Variants in ACOXL observed in about 807,000 individuals in gnomAD.
The protein encoded by ACOXL is acyl-CoA oxidase like, also known as acyl-coenzyme A oxidase-like protein.
A neutral mutation model predicts 71.9 loss-of-function variants in ACOXL; 70 were observed. The ratio of observed to expected loss-of-function variants is 0.97; its 90% CI spans 0.80 to 1.19. The LOEUF (loss-of-function observed/expected upper bound fraction) is 1.19. Among genes scored for constraint, ACOXL ranks in the 50% most tolerant of loss-of-function variants. The pLI, the probability that ACOXL is intolerant of heterozygous loss-of-function variation, is 0.00. For synonymous variants in ACOXL, 253 were observed against 281.6 expected (o/e 0.90, Z 1.02); for missense variants, 703 against 736.3 (o/e 0.95, Z 0.52).
At chr2:110,799,170 CT>C in intron 7 of ACOXL, 70 bp downstream of exon 7, 1 of 1,450,562 alleles carries the variant, frequency 6.9e-7, no homozygotes, top group Non-Finnish European at 9.7e-7. Flanking sequence ...CAAGGAGAAT[CT>C]AACCTACGTT....
At position 110,839,912 on chromosome 2, in the gene ACOXL, C is replaced by T. The variant is rs377207033; in HGVS notation, c.754-1459C>T. 3.3e-5 allele frequency among the ~76,000 whole-genome samples: 5 copies of T among 152,184 alleles called. No homozygotes were observed. The South Asian group carries it at 1.0e-3, about 32-fold the overall frequency. ...GGAACCATAAGTGATGTTTGGGGATCTTAAGCTTAAGGTGCAACTTAGACT... is the reference window on the plus strand; with the variant it reads ...GGAACCATAAGTGATGTTTGGGGATTTTAAGCTTAAGGTGCAACTTAGACT... On this transcript the variant is annotated intron_variant, in intron 9 of 17. Transcript: ENST00000439055.
chr2:111,076,208 T>C (rs557194584), intron 16 of ACOXL, among the ~76,000 whole-genome samples: 1 of 152,362 alleles, frequency 6.6e-6, no homozygotes, highest in East Asian at 1.9e-4. Flanking sequence ...CATATTCAAC[T>C]ATGCCTGTGG....
At chr2:110,892,855 G>T (rs1391997541) in intron 10 of ACOXL, among the ~76,000 whole-genome samples, 2 of 152,126 alleles carry the variant, frequency 1.3e-5, no homozygotes. Context: ...CTGGGAAGAG[G>T]GAATGGCTAT....
intron 12 of ACOXL, chr2:110,968,062 G>A: frequency 1.3e-5 from 15 of 1,166,636 alleles, no homozygotes; most frequent in Middle Eastern, 5.5e-4. Context: ...GATAGTCTGC[G>A]CAGCATACGC....
chr2:110,913,170 TAG>T (rs1220478164), intron 11 of ACOXL, among the ~76,000 whole-genome samples: 2 of 152,178 alleles, frequency 1.3e-5, no homozygotes, highest in African/African-American at 4.8e-5. Context: ...TAAAATGGTA[TAG>T]TCGCTTTGGA....
intron 15 of ACOXL, among the ~76,000 whole-genome samples, 163 bp from the exon 16 acceptor site, chr2:111,049,055 C>G (rs1404525268): frequency 6.6e-6 from 1 of 152,066 alleles, no homozygotes; most frequent in Non-Finnish European, 1.5e-5. Flanking sequence ...GTACGGGGGC[C>G]CCTGACCCAT....
chr2:110,836,834 A>C (rs538950355), intron 9 of ACOXL, among the ~76,000 whole-genome samples: 1 of 152,240 alleles, frequency 6.6e-6, no homozygotes, highest in East Asian at 1.9e-4. Flanking sequence ...TTTGTCGCCT[A>C]TGCGTAGATT....
At chr2:111,067,079 C>A (rs908293020) in intron 16 of ACOXL, among the ~76,000 whole-genome samples, 6 of 152,064 alleles carry the variant, frequency 3.9e-5, no homozygotes, top group East Asian at 3.9e-4. Flanking sequence ...ATAAAACTTA[C>A]AAAAATGGAT....
intron 7 of ACOXL, 127 bp from the exon 8 acceptor site, chr2:110,801,525 A>C: frequency 1.3e-6 from 1 of 782,312 alleles, no homozygotes; most frequent in Admixed American, 2.3e-5. Context: ...GTCCACCCCC[A>C]AGGAAAAAGC....
intron 10 of ACOXL, among the ~76,000 whole-genome samples, chr2:110,870,238 C>G (rs1481333597): frequency 6.6e-6 from 1 of 152,252 alleles, no homozygotes; most frequent in East Asian, 1.9e-4. Flanking sequence ...ACAGAGCATC[C>G]CATCTTTGTG....
intron 15 of ACOXL, among the ~76,000 whole-genome samples, chr2:111,038,130 C>G (rs1382121798): frequency 6.6e-6 from 1 of 152,192 alleles, no homozygotes; most frequent in Non-Finnish European, 1.5e-5. Flanking sequence ...CAGAGCAACT[C>G]TAATCCCCCA....
intron 16 of ACOXL, among the ~76,000 whole-genome samples, chr2:111,057,226 C>G (rs1238766678): frequency 6.6e-6 from 1 of 152,164 alleles, no homozygotes; most frequent in Non-Finnish European, 1.5e-5. Flanking sequence ...CGATGTGACA[C>G]GTTGTGTTCT....
At chr2:111,043,740 T>C (rs1251619721) in intron 15 of ACOXL, among the ~76,000 whole-genome samples, 2 of 152,166 alleles carry the variant, frequency 1.3e-5, no homozygotes, top group Admixed American at 1.3e-4. Context: ...GAAGGCTGCC[T>C]GGTTCCCAGC....
intron 16 of ACOXL, among the ~76,000 whole-genome samples, chr2:111,080,408 G>T (rs2149971301): frequency 6.6e-6 from 1 of 152,084 alleles, no homozygotes; most frequent in East Asian, 1.9e-4. Context: ...CAGAGATTCT[G>T]GTATGTTGTG....
intron 12 of ACOXL, among the ~76,000 whole-genome samples, chr2:110,956,304 C>T (rs868178514): frequency 2.2e-4 from 33 of 152,256 alleles, no homozygotes; most frequent in South Asian, 8.3e-4. Flanking sequence ...CTATGGGTAG[C>T]GTAGTGCCTA....
rs796922505 is a variant in ACOXL, at chr2:110,761,425, A to C, written c.-22-6943A>C. Among the ~76,000 whole-genome samples the C allele has an allele frequency of 1.5e-4, 23 of 152,306 alleles. 1 individual carries two copies. The highest frequency in any genetic ancestry group is 5.5e-4 in the African/African-American group (23 of 41,556). ...TGATTATGGAAGTTACCTTCTCTGG[A>C]AATACCTGAGGTTATGCTTTCTCCT... On this transcript the variant is annotated intron_variant, in intron 1 of 17. Transcript: ENST00000439055.
chr2:111,007,413 A>T (rs1346389600), intron 14 of ACOXL, among the ~76,000 whole-genome samples: 2 of 152,170 alleles, frequency 1.3e-5, no homozygotes, highest in South Asian at 2.1e-4. Context: ...TTCTCCAATT[A>T]TTTATTTATT....
chr2:110,902,950 T>C (rs2059297798), intron 10 of ACOXL, among the ~76,000 whole-genome samples: 1 of 152,202 alleles, frequency 6.6e-6, no homozygotes, highest in African/African-American at 2.4e-5. Flanking sequence ...CAAAGGAAGG[T>C]GGCCTGAGCC....
At chr2:110,762,259 A>T (rs769740241) in intron 1 of ACOXL, among the ~76,000 whole-genome samples, 1 of 152,158 alleles carries the variant, frequency 6.6e-6, no homozygotes, top group African/African-American at 2.4e-5. Flanking sequence ...TTTCTTGCAG[A>T]TAGCATATTT....
Sources: gnomAD v4.1 joint callset for allele counts (sites outside exome capture counted in the v4.1 genomes callset) on GRCh38, gnomAD v4.1.1 for gene constraint, MANE v1.5 for transcripts, NCBI Gene and HGNC (gene_info 2026-07-23, HGNC 2026-07-21) for gene names.